The following SCD5 variants were observed in gnomAD, a reference collection of about 807,000 sequenced individuals.
SCD5 encodes acyl-CoA-desaturase 4.
In SCD5, 20 loss-of-function variants were observed where a neutral mutation model predicts 30.4. The observed-to-expected ratio is 0.66, with a 90% confidence interval of 0.46 to 0.96. The LOEUF (loss-of-function observed/expected upper bound fraction) is 0.96. SCD5 is among the 40% of genes least tolerant of loss of function. The pLI, the probability that SCD5 is intolerant of heterozygous loss-of-function variation, is 0.00. For synonymous variants in SCD5, 173 were observed against 176.4 expected, an observed-to-expected ratio of 0.98 and a Z score of 0.16; for missense variants, 381 against 443.3, an observed-to-expected ratio of 0.86 and a Z score of 1.26.
At chr4:82,782,348 G>A (rs910894567) in intron 1 of SCD5, among the ~76,000 whole-genome samples, 185 of 152,010 alleles carry the variant, frequency 1.2e-3, no homozygotes, top group African/African-American at 4.0e-3. Context: ...GAAATACAGC[G>A]GAAATCCAGA....
intron 1 of SCD5, among the ~76,000 whole-genome samples, chr4:82,711,811 A>G (rs929265449): frequency 7.9e-5 from 12 of 151,930 alleles, no homozygotes; most frequent in Admixed American, 5.2e-4. Context: ...AGCCTTGTTC[A>G]TTCTCTGGAT....
chr4:82,711,294 C>G (rs952191996), intron 1 of SCD5, among the ~76,000 whole-genome samples: 1 of 151,988 alleles, frequency 6.6e-6, no homozygotes, highest in Admixed American at 6.6e-5. Context: ...TGACCCCCTA[C>G]ATTTGGCAAT....
rs1560531612 is a variant in SCD5 at position 82,679,226 on chromosome 4, A to AAGAAAGAAAGAAAGAG, written c.569+1480_569+1481insCTCTTTCTTTCTTTCT. Among the ~76,000 whole-genome samples, 504 of 90,214 alleles carry AAGAAAGAAAGAAAGAG rather than the reference A, an allele frequency of 5.6e-3. 48 individuals carry two copies. Among genetic ancestry groups the AAGAAAGAAAGAAAGAG allele is most frequent in the East Asian group, 9.9e-3 (26 of 2,632 alleles). The allele number at this position is 90,214 out of a possible 152,430, so 59.2% of individuals were successfully genotyped here. A position where few individuals can be genotyped will look rare whatever the true frequency, so the allele number is the denominator to read the frequency against. ...AAAAAAAAAAAAAAGAAAGAAAAGA[A>AAGAAAGAAAGAAAGAG]AGAAAGAAAGAAAGAAAGAAAGAAA... On this transcript the variant is annotated intron_variant, in intron 3 of 4. Coordinates refer to ENST00000319540, the MANE Select transcript of SCD5 (RefSeq NM_001037582.3).
intron 1 of SCD5, among the ~76,000 whole-genome samples, chr4:82,720,379 G>A (rs1160150911): frequency 7.7e-6 from 1 of 129,854 alleles, no homozygotes; most frequent in Non-Finnish European, 1.5e-5. Flanking sequence ...GCTGCAGTGA[G>A]TTGTAATCAT....
At chr4:82,699,314 C>T (rs887475663) in intron 2 of SCD5, among the ~76,000 whole-genome samples, 3 of 152,166 alleles carry the variant, frequency 2.0e-5, no homozygotes, top group Admixed American at 6.5e-5. Context: ...GGATAGGTTA[C>T]ATAACCACTT....
At chr4:82,733,646 A>C (rs1325613100) in intron 1 of SCD5, among the ~76,000 whole-genome samples, 1 of 152,182 alleles carries the variant, frequency 6.6e-6, no homozygotes, top group Non-Finnish European at 1.5e-5. Flanking sequence ...TGGAAACAAG[A>C]GCCTGAGAAT....
chr4:82,651,668 C>G (rs1279881727), intron 3 of SCD5, among the ~76,000 whole-genome samples: 2 of 151,996 alleles, frequency 1.3e-5, no homozygotes, highest in African/African-American at 2.4e-5. Flanking sequence ...AATTCCAGCA[C>G]TCTGGGAGGC....
At chr4:82,674,655 G>A (rs915738014) in intron 3 of SCD5, among the ~76,000 whole-genome samples, 4 of 152,096 alleles carry the variant, frequency 2.6e-5, no homozygotes, top group African/African-American at 7.2e-5. Context: ...ACCTATGTCC[G>A]CACAAAAACC....
chr4:82,658,630 C>CTTTTTTTTTTTTT (rs57727794), intron 3 of SCD5, among the ~76,000 whole-genome samples: 5 of 116,944 alleles, frequency 4.3e-5, no homozygotes, highest in East Asian at 2.5e-4. Flanking sequence ...CCACACCTGG[C>CTTTTTTTTTTTTT]TTTTTTTTTT....
At position 82,680,833 on chromosome 4, in the gene SCD5, C is replaced by A; in HGVS notation, c.443G>T (p.Arg148Leu). The A allele has an allele frequency of 6.2e-7, 1 of 1,613,690 alleles. No individual in the cohort carries two copies. Among genetic ancestry groups the A allele is most frequent in the South Asian group, 1.1e-5 (1 of 91,032 alleles). ...SETDADPHNA[R>L]RGFFFSHIGW... is the part of the protein sequence containing the mutation. Reference sequence around the variant, plus strand: ...AATATGGGAGAAGAAGAAGCCCCGGCGGGCATTGTGGGGGTCAGCATCCGT... The same window carrying A: ...AATATGGGAGAAGAAGAAGCCCCGGAGGGCATTGTGGGGGTCAGCATCCGT... The change falls in exon 3 of 5, where the codon CGC becomes CTC. Residue 148 changes from arginine to leucine, a missense_variant. Coordinates refer to ENST00000319540, the MANE Select transcript of SCD5 (RefSeq NM_001037582.3).
At chr4:82,798,274 G>A (rs1473184205) in intron 1 of SCD5, 32 bp downstream of exon 1, 1 of 1,534,550 alleles carries the variant, frequency 6.5e-7, no homozygotes, top group Non-Finnish European at 8.8e-7. Flanking sequence ...GGCCACGGAG[G>A]CCGGGGCGCA....
At chr4:82,699,464 A>G (rs1719767157) in intron 2 of SCD5, among the ~76,000 whole-genome samples, 1 of 151,988 alleles carries the variant, frequency 6.6e-6, no homozygotes, top group Admixed American at 6.6e-5. Context: ...AACTCACTGC[A>G]ACCTCCACCT....
At chr4:82,764,562 A>C (rs1214663756) in intron 1 of SCD5, among the ~76,000 whole-genome samples, 1 of 152,174 alleles carries the variant, frequency 6.6e-6, no homozygotes, top group African/African-American at 2.4e-5. Flanking sequence ...ACCTTCAAGT[A>C]ATATTATAGT....
intron 1 of SCD5, among the ~76,000 whole-genome samples, chr4:82,729,734 C>T (rs1720586615): frequency 6.6e-6 from 1 of 152,166 alleles, no homozygotes; most frequent in South Asian, 2.1e-4. Flanking sequence ...TCTCTGCCCT[C>T]CCCCTATTTA....
At chr4:82,784,877 C>T (rs1352855151) in intron 1 of SCD5, among the ~76,000 whole-genome samples, 2 of 152,312 alleles carry the variant, frequency 1.3e-5, no homozygotes, top group African/African-American at 4.8e-5. Context: ...CTGGGCCAGG[C>T]AATAACCCTT....
chr4:82,749,062 A>G (rs112947761), intron 1 of SCD5, among the ~76,000 whole-genome samples: 2,340 of 152,318 alleles, frequency 0.015, 34 homozygotes, highest in Non-Finnish European at 0.023. Context: ...AAAGCATACA[A>G]GTTTTTATTA....
At chr4:82,680,948 A>ACT (rs1408775412) in intron 2 of SCD5, 36 bp from the exon 3 acceptor site, 2 of 1,583,650 alleles carry the variant, frequency 1.3e-6, no homozygotes, top group Admixed American at 3.4e-5. Context: ...GAAGAGAGGA[A>ACT]CCGCACCGCC....
At chr4:82,695,488 C>T (rs28703573) in intron 2 of SCD5, among the ~76,000 whole-genome samples, 16,513 of 152,008 alleles carry the variant, frequency 0.11, 1,227 homozygotes, top group African/African-American at 0.21. Context: ...TGAGGGATAA[C>T]TAGGGAAATG....
At chr4:82,748,345 G>A (rs76426659) in intron 1 of SCD5, among the ~76,000 whole-genome samples, 2,472 of 152,110 alleles carry the variant, frequency 0.016, 66 homozygotes, top group African/African-American at 0.057. Context: ...GGAGAGGAGG[G>A]GGAGGGGACA....
Sources: allele counts gnomAD v4.1 joint callset (sites outside exome capture counted in the v4.1 genomes callset), GRCh38; gene constraint gnomAD v4.1.1; transcripts MANE v1.5; gene names NCBI Gene and HGNC (gene_info 2026-07-23, HGNC 2026-07-21).